The following C1orf105 variants were observed in gnomAD, a reference collection of about 807,000 sequenced individuals.
The protein encoded by C1orf105 is chromosome 1 open reading frame 105, also known as uncharacterized protein C1orf105.
In C1orf105, 17 loss-of-function variants were observed where a neutral mutation model predicts 20.8. The observed-to-expected ratio is 0.82, with a 90% CI of 0.56 to 1.23. C1orf105 has a LOEUF of 1.23. Among genes scored for constraint, C1orf105 ranks in the 50% most tolerant of loss-of-function variants. C1orf105 has a pLI of 0.00. For missense variants in C1orf105, 219 were observed against 213.5 expected (o/e 1.03, Z -0.16); for synonymous variants, 72 against 72.1 (o/e 1.00, Z 0.01).
At chr1:172,442,084 T>G in intron 1 of C1orf105, 1 of 1,614,158 alleles carries the variant, frequency 6.2e-7, no homozygotes, top group Non-Finnish European at 8.5e-7. Context: ...GATGGCCATG[T>G]TCAAGGATAG....
chr1:172,425,734 C>A (rs1476530641), intron 1 of C1orf105, among the ~76,000 whole-genome samples: 2 of 152,100 alleles, frequency 1.3e-5, no homozygotes, highest in Non-Finnish European at 2.9e-5. Context: ...CCCAAAAGGT[C>A]CTTGTCAAAA....
chr1:172,449,033 G>A (rs1164761758), intron 3 of C1orf105, among the ~76,000 whole-genome samples: 1 of 152,166 alleles, frequency 6.6e-6, no homozygotes, highest in Non-Finnish European at 1.5e-5. Flanking sequence ...CCCTGAGGTG[G>A]AGAAAGAGAG....
chr1:172,448,601 C>T (rs984261216), intron 3 of C1orf105, 70 bp downstream of exon 3: 1 of 877,698 alleles, frequency 1.1e-6, no homozygotes, highest in Non-Finnish European at 1.9e-6. Flanking sequence ...GAATACATGT[C>T]CCATCTCCTT....
At chr1:172,453,295 A>G (rs1179886567) in intron 3 of C1orf105, 17 of 1,295,132 alleles carry the variant, frequency 1.3e-5, no homozygotes, top group Non-Finnish European at 1.0e-5. Context: ...AAAGACCATT[A>G]TCGGTAGGGG....
chr1:172,437,044 T>C (rs1339603687), intron 1 of C1orf105, among the ~76,000 whole-genome samples: 1 of 152,148 alleles, frequency 6.6e-6, no homozygotes, highest in African/African-American at 2.4e-5. Flanking sequence ...TGAGATACCA[T>C]CTCACACCAG....
At chr1:172,441,996 A>T in intron 1 of C1orf105, 1 of 1,614,210 alleles carries the variant, frequency 6.2e-7, no homozygotes, top group South Asian at 1.1e-5. Context: ...ACAGGGCAAA[A>T]ATCTGAATGG....
chr1:172,453,017 A>G, intron 3 of C1orf105: 1 of 1,550,376 alleles, frequency 6.5e-7, no homozygotes, highest in South Asian at 1.2e-5. Flanking sequence ...AGAAAGCAAG[A>G]CAGAATGGAG....
intron 5 of C1orf105, among the ~76,000 whole-genome samples, chr1:172,462,562 A>T (rs968643401): frequency 2.6e-5 from 4 of 152,242 alleles, no homozygotes; most frequent in African/African-American, 9.6e-5. Context: ...CATGTAGATG[A>T]CATATCTAAT....
Position 172,468,596 on chromosome 1 carries a change from C to A in C1orf105, c.*2C>A. 1.2e-6 allele frequency: 2 copies of A among 1,612,144 alleles called. No homozygotes were observed. The highest frequency in any genetic ancestry group is 1.7e-6 in the Non-Finnish European group (2 of 1,178,776). On this transcript the variant is annotated 3_prime_UTR_variant, in exon 7 of 7. Coordinates refer to ENST00000367727, the MANE Select transcript of C1orf105 (RefSeq NM_139240.4). ...ATAGGCAAGACAACGAGGCAGTGAG[C>A]GGTAGGAGCTCATCACCTCCCAGAC...
intron 1 of C1orf105, chr1:172,443,920 G>C (rs1039116246): frequency 1.3e-5 from 13 of 976,948 alleles, no homozygotes; most frequent in Non-Finnish European, 1.5e-5. Flanking sequence ...ACTCAGCCTT[G>C]GGTCTGCGGG....
Position 172,441,352 on chromosome 1 carries a change from T to TAC in C1orf105, c.22-3682_22-3681dup, listed in dbSNP as rs55669322. The TAC allele has an allele frequency of 8.2e-3, 1,292 of 156,904 alleles. 15 individuals are homozygous for TAC. Among genetic ancestry groups the TAC allele is most frequent in the African/African-American group, 0.026 (1,040 of 40,454 alleles). 9.7% of individuals were successfully genotyped at this position (156,904 alleles called of 1,614,324 possible). A position where few individuals can be genotyped will look rare whatever the true frequency, so the allele number is the denominator to read the frequency against. Reference sequence around the variant, plus strand: ...TGAAAAGGGTAGAAAGAAGTGACTTTACACACACACACACACACACACACA... The same window carrying TAC: ...TGAAAAGGGTAGAAAGAAGTGACTTTACACACACACACACACACACACACACA... On this transcript the variant is annotated intron_variant, in intron 1 of 6. Transcript: ENST00000367727.
intron 1 of C1orf105, among the ~76,000 whole-genome samples, chr1:172,424,606 G>T (rs1031360324): frequency 6.6e-6 from 1 of 152,148 alleles, no homozygotes; most frequent in Admixed American, 6.5e-5. Flanking sequence ...GGCCAGGCTG[G>T]TCTTAAACTC....
intron 3 of C1orf105, 125 bp from the exon 4 acceptor site, chr1:172,456,290 G>A: frequency 7.8e-6 from 6 of 771,756 alleles, no homozygotes; most frequent in Non-Finnish European, 1.1e-5. Context: ...AGACCAGAGT[G>A]CCCATCTCTG....
chr1:172,426,781 C>T (rs1573825186), intron 1 of C1orf105, among the ~76,000 whole-genome samples: 1 of 152,192 alleles, frequency 6.6e-6, no homozygotes, highest in East Asian at 1.9e-4. Flanking sequence ...CTGTCCTTCA[C>T]CCTTCTTGAG....
chr1:172,450,323 G>A (rs534136589), intron 3 of C1orf105, among the ~76,000 whole-genome samples: 10 of 152,300 alleles, frequency 6.6e-5, no homozygotes, highest in Admixed American at 1.3e-4. Flanking sequence ...TAGGGAACCC[G>A]GGATCCTTGC....
intron 3 of C1orf105, among the ~76,000 whole-genome samples, chr1:172,454,428 C>A (rs1573881176): frequency 2.0e-5 from 3 of 151,788 alleles, no homozygotes; most frequent in Non-Finnish European, 2.9e-5. Context: ...GGAGCTGGAG[C>A]TTCAGGGGAT....
At chr1:172,444,225 A>C (rs1647706488) in intron 1 of C1orf105, 2 of 985,796 alleles carry the variant, frequency 2.0e-6, no homozygotes, top group Non-Finnish European at 2.4e-6. Flanking sequence ...CTCTGAGCCT[A>C]GGAAGGCAAA....
chr1:172,442,443 C>G (rs1372794910), intron 1 of C1orf105: 9 of 1,614,200 alleles, frequency 5.6e-6, no homozygotes, highest in Non-Finnish European at 7.6e-6. Flanking sequence ...TGCACAGCTG[C>G]TGGATCACCA....
At chr1:172,434,516 C>A (rs2071974535) in intron 1 of C1orf105, among the ~76,000 whole-genome samples, 1 of 152,122 alleles carries the variant, frequency 6.6e-6, no homozygotes, top group Non-Finnish European at 1.5e-5. Context: ...GGGTACATAA[C>A]AAAATGAAGG....
Sources: allele counts gnomAD v4.1 joint callset (sites outside exome capture counted in the v4.1 genomes callset), GRCh38; gene constraint gnomAD v4.1.1; transcripts MANE v1.5; gene names NCBI Gene and HGNC (gene_info 2026-07-23, HGNC 2026-07-21).